CTNND2: variants seen among roughly 807,000 people sequenced by gnomAD.
CTNND2 encodes the protein catenin delta-2.
Under a neutral mutation model 144.4 loss-of-function variants are expected in CTNND2, and 22 were observed. The observed-to-expected ratio is 0.15, with a 90% CI of 0.11 to 0.22. The LOEUF is 0.22. CTNND2 is among the 10% of genes least tolerant of loss of function. The pLI is 1.00. For missense variants in CTNND2, 1,353 were observed against 1,618.8 expected (o/e 0.84, Z 2.82); for synonymous variants, 751 against 695.6 (o/e 1.08, Z -1.25).
chr5:11,516,002 A>C (rs1264139905), intron 3 of CTNND2, among the ~76,000 whole-genome samples: 1 of 152,054 alleles, frequency 6.6e-6, no homozygotes, highest in Non-Finnish European at 1.5e-5. Context: ...GCTACTGGGG[A>C]GGCTGCGTTG....
rs903337292 is a variant in CTNND2, at chr5:11,024,634, G to A, written c.2789-1655C>T. 4.6e-5 allele frequency among the ~76,000 whole-genome samples: 7 copies of A among 152,090 alleles called. No homozygotes were observed. The East Asian group carries it at 9.6e-4, about 21-fold the overall frequency. On this transcript the variant is annotated intron_variant, in intron 16 of 21. Coordinates refer to ENST00000304623, the MANE Select transcript of CTNND2 (RefSeq NM_001332.4). ...AAAATACTCCAGTCATTGTATATAC[G>A]GGGACATTTACACCCTTGACTGTGT...
intron 13 of CTNND2, among the ~76,000 whole-genome samples, chr5:11,111,648 G>A (rs765541842): frequency 6.6e-6 from 1 of 152,198 alleles, no homozygotes; most frequent in South Asian, 2.1e-4. Flanking sequence ...AAGGACACAT[G>A]TTGTGGAGCC....
intron 2 of CTNND2, among the ~76,000 whole-genome samples, chr5:11,594,199 T>G (rs1304999878): frequency 6.6e-6 from 1 of 152,196 alleles, no homozygotes; most frequent in Non-Finnish European, 1.5e-5. Flanking sequence ...CACAGTGAAA[T>G]ACTATTCAGC....
intron 2 of CTNND2, among the ~76,000 whole-genome samples, chr5:11,723,421 C>A (rs569516940): frequency 1.3e-5 from 2 of 151,970 alleles, no homozygotes; most frequent in African/African-American, 4.8e-5. Flanking sequence ...TCAATGGGCA[C>A]ATTCTGAAGC....
chr5:11,468,304 G>A (rs1766855956), intron 3 of CTNND2, among the ~76,000 whole-genome samples: 1 of 152,184 alleles, frequency 6.6e-6, no homozygotes, highest in Admixed American at 6.5e-5. Flanking sequence ...ATGAAAGCAA[G>A]AGGACAAAAG....
chr5:11,469,250 CT>C (rs1766937729), intron 3 of CTNND2, among the ~76,000 whole-genome samples: 2 of 152,104 alleles, frequency 1.3e-5, no homozygotes, highest in African/African-American at 4.8e-5. Context: ...TGCAGATTTC[CT>C]TTTTTCCCCC....
chr5:11,056,718 C>T (rs971567024), intron 16 of CTNND2, among the ~76,000 whole-genome samples: 1 of 152,178 alleles, frequency 6.6e-6, no homozygotes, highest in Non-Finnish European at 1.5e-5. Flanking sequence ...TAATTTAGAG[C>T]TCAGTGAGAA....
chr5:11,544,786 C>A (rs1285114153), intron 3 of CTNND2, among the ~76,000 whole-genome samples: 1 of 151,922 alleles, frequency 6.6e-6, no homozygotes, highest in Non-Finnish European at 1.5e-5. Flanking sequence ...AGTTCAAGAC[C>A]AGCCTGGCCA....
At chr5:11,393,536 T>G (rs1581099973) in intron 6 of CTNND2, among the ~76,000 whole-genome samples, 1 of 152,270 alleles carries the variant, frequency 6.6e-6, no homozygotes, top group South Asian at 2.1e-4. Flanking sequence ...TTGCCAGAAG[T>G]TTTATATTTA....
At chr5:11,579,251 G>T (rs1303025282) in intron 2 of CTNND2, among the ~76,000 whole-genome samples, 1 of 150,350 alleles carries the variant, frequency 6.7e-6, no homozygotes, top group Non-Finnish European at 1.5e-5. Flanking sequence ...AATCAAACAA[G>T]AACTTGTAAG....
intron 3 of CTNND2, among the ~76,000 whole-genome samples, chr5:11,545,182 C>T (rs1775121649): frequency 6.7e-6 from 1 of 149,044 alleles, no homozygotes; most frequent in Non-Finnish European, 1.5e-5. Context: ...ATTAGCCAGG[C>T]ATGGTGGCAG....
intron 14 of CTNND2, among the ~76,000 whole-genome samples, chr5:11,106,101 C>T (rs1402639521): frequency 1.3e-5 from 2 of 152,128 alleles, no homozygotes; most frequent in African/African-American, 4.8e-5. Flanking sequence ...AAATCAAGTC[C>T]ACGAACAGAA....
At chr5:11,806,411 CAT>C (rs767022050) in intron 1 of CTNND2, among the ~76,000 whole-genome samples, 15 of 152,170 alleles carry the variant, frequency 9.9e-5, no homozygotes, top group South Asian at 2.1e-4. Context: ...TCACTGCCCA[CAT>C]GTCACTCTAA....
intron 16 of CTNND2, among the ~76,000 whole-genome samples, chr5:11,032,185 T>A (rs1191512337): frequency 6.6e-6 from 1 of 152,220 alleles, no homozygotes; most frequent in Non-Finnish European, 1.5e-5. Flanking sequence ...TCCTCTCCCG[T>A]CTCTGAATTT....
rs928540630 is a variant in CTNND2 at position 11,292,744 on chromosome 5, A to C, written c.1628+53628T>G. Among the ~76,000 whole-genome samples, 5 of 152,164 alleles carry C rather than the reference A, an allele frequency of 3.3e-5. 1 individual carries two copies. Among genetic ancestry groups the C allele is most frequent in the Non-Finnish European group, 5.9e-5 (4 of 68,030 alleles). On this transcript the variant is annotated intron_variant, in intron 9 of 21. Coordinates refer to ENST00000304623, the MANE Select transcript of CTNND2 (RefSeq NM_001332.4). ...CCAGTTTGGGGCAGTTCTTTATAGC[A>C]GTGTGAGAACAGACTAATACACACA...
chr5:11,177,024 G>A (rs10060204), intron 11 of CTNND2, among the ~76,000 whole-genome samples: 3,072 of 152,276 alleles, frequency 0.02, 114 homozygotes, highest in African/African-American at 0.071. Context: ...AAGAGTAAGA[G>A]TAATAACATT....
intron 3 of CTNND2, among the ~76,000 whole-genome samples, chr5:11,491,216 T>A (rs1216718850): frequency 1.2e-4 from 18 of 152,212 alleles, no homozygotes; most frequent in Admixed American, 1.1e-3. Context: ...CTGGTTCCAG[T>A]TGCTTTCCCA....
chr5:11,227,156 T>C (rs1260312052), intron 10 of CTNND2, among the ~76,000 whole-genome samples: 1 of 152,222 alleles, frequency 6.6e-6, no homozygotes, highest in Admixed American at 6.5e-5. Context: ...ACTATGGAAT[T>C]GGTTTTACAT....
intron 2 of CTNND2, among the ~76,000 whole-genome samples, chr5:11,691,280 A>T (rs530079223): frequency 7.2e-5 from 11 of 152,042 alleles, no homozygotes; most frequent in African/African-American, 1.2e-4. Context: ...CTGAGGCAGA[A>T]GAATGGCGTG....
Sources: gnomAD v4.1 joint callset for allele counts (sites outside exome capture counted in the v4.1 genomes callset) on GRCh38, gnomAD v4.1.1 for gene constraint, MANE v1.5 for transcripts, NCBI Gene and HGNC (gene_info 2026-07-23, HGNC 2026-07-21) for gene names.